ARHGAP15: variants seen among roughly 807,000 people sequenced by gnomAD.
ARHGAP15 encodes the protein rho GTPase-activating protein 15.
Under a neutral mutation model 63.7 loss-of-function variants are expected in ARHGAP15, and 51 were observed. The observed-to-expected ratio is 0.80, with a 90% CI of 0.64 to 1.01. The LOEUF (loss-of-function observed/expected upper bound fraction) is 1.01, where lower values mean the gene tolerates loss of function less well. Ranked by LOEUF, ARHGAP15 falls within the 50% of genes least tolerant of loss-of-function variation. The pLI is 0.00. For missense variants in ARHGAP15, 560 were observed against 564.6 expected, an observed-to-expected ratio of 0.99 and a Z score of 0.08; for synonymous variants, 191 against 193.8, an observed-to-expected ratio of 0.99 and a Z score of 0.12.
chr2:143,748,459 C>T (rs12474666), intron 13 of ARHGAP15, among the ~76,000 whole-genome samples: 29,587 of 151,994 alleles, frequency 0.19, 3,189 homozygotes, highest in East Asian at 0.44. Flanking sequence ...CTTGGCCCCA[C>T]GATTATGTAT....
At chr2:143,234,273 C>T (rs914062103) in intron 5 of ARHGAP15, among the ~76,000 whole-genome samples, 3 of 152,044 alleles carry the variant, frequency 2.0e-5, no homozygotes, top group Non-Finnish European at 2.9e-5. Flanking sequence ...AACTAGGAGG[C>T]ATAGTTGTTT....
chr2:143,562,542 G>T (rs1166582346), intron 11 of ARHGAP15, among the ~76,000 whole-genome samples: 1 of 152,134 alleles, frequency 6.6e-6, no homozygotes, highest in Admixed American at 6.5e-5. Context: ...CCACAGGGTG[G>T]TTTTTTGGTA....
At chr2:143,597,848 A>C (rs1697583561) in intron 11 of ARHGAP15, 1 of 152,186 alleles carries the variant, frequency 6.6e-6, no homozygotes, top group South Asian at 2.1e-4. Context: ...TATAAAGAGC[A>C]GAAGTTTATT....
At chr2:143,757,097 G>GA (rs1686604955) in intron 13 of ARHGAP15, among the ~76,000 whole-genome samples, 1 of 151,726 alleles carries the variant, frequency 6.6e-6, no homozygotes, top group African/African-American at 2.4e-5. Context: ...TTGTTCATCT[G>GA]AAAAAGTTCA....
At chr2:143,251,068 A>T (rs989102703) in intron 6 of ARHGAP15, among the ~76,000 whole-genome samples, 1 of 151,998 alleles carries the variant, frequency 6.6e-6, no homozygotes, top group African/African-American at 2.4e-5. Context: ...AGATTCTTTC[A>T]TATTGCTTAC....
intron 8 of ARHGAP15, among the ~76,000 whole-genome samples, chr2:143,466,063 T>A (rs1691192479): frequency 6.6e-6 from 1 of 152,126 alleles, no homozygotes; most frequent in South Asian, 2.1e-4. Context: ...ATTTTTTTTT[T>A]TTATTTTCTT....
chr2:143,602,182 G>T (rs567252883), intron 11 of ARHGAP15, among the ~76,000 whole-genome samples: 6 of 152,118 alleles, frequency 3.9e-5, no homozygotes, highest in Admixed American at 1.3e-4. Flanking sequence ...TGGTTGTCAT[G>T]TACACGTTAC....
chr2:143,326,139 C>T (rs1558894656), intron 6 of ARHGAP15, among the ~76,000 whole-genome samples: 1 of 152,152 alleles, frequency 6.6e-6, no homozygotes. Flanking sequence ...ATTAGAGATA[C>T]TTAACCAAAC....
intron 9 of ARHGAP15, among the ~76,000 whole-genome samples, chr2:143,507,411 A>C (rs958058050): frequency 1.3e-5 from 2 of 152,248 alleles, no homozygotes; most frequent in African/African-American, 4.8e-5. Context: ...GCTTCTTATT[A>C]CTTCCTATTG....
intron 2 of ARHGAP15, among the ~76,000 whole-genome samples, chr2:143,170,609 T>C (rs1690735894): frequency 6.6e-6 from 1 of 152,146 alleles, no homozygotes; most frequent in Non-Finnish European, 1.5e-5. Flanking sequence ...GCTAAGAGAA[T>C]GAGTGGGAAT....
intron 6 of ARHGAP15, among the ~76,000 whole-genome samples, chr2:143,308,170 A>G (rs1173685840): frequency 2.0e-5 from 3 of 152,174 alleles, no homozygotes; most frequent in Admixed American, 1.3e-4. Flanking sequence ...TGGGAATGAA[A>G]TTAATCATTA....
At chr2:143,141,662 G>A (rs929481105) in intron 1 of ARHGAP15, among the ~76,000 whole-genome samples, 8 of 152,146 alleles carry the variant, frequency 5.3e-5, no homozygotes, top group African/African-American at 1.4e-4. Context: ...AATAAATGAA[G>A]TAATGTGAAT....
intron 12 of ARHGAP15, among the ~76,000 whole-genome samples, chr2:143,678,822 G>A (rs905450483): frequency 3.9e-5 from 6 of 152,070 alleles, no homozygotes; most frequent in African/African-American, 1.4e-4. Flanking sequence ...ATTTTCAGTA[G>A]TATCGATGTT....
At chr2:143,229,954 T>C (rs933469611) in intron 5 of ARHGAP15, among the ~76,000 whole-genome samples, 1 of 152,240 alleles carries the variant, frequency 6.6e-6, no homozygotes, top group African/African-American at 2.4e-5. Context: ...CTCAGTCCTT[T>C]GTATTTTTAA....
chr2:143,238,356 C>A, intron 5 of ARHGAP15: 1 of 151,876 alleles, frequency 6.6e-6, no homozygotes, highest in African/African-American at 2.4e-5. Context: ...CAAGAAAAAA[C>A]AAACAACTCC....
intron 1 of ARHGAP15, among the ~76,000 whole-genome samples, chr2:143,144,935 CT>C: frequency 6.6e-6 from 1 of 152,132 alleles, no homozygotes; most frequent in East Asian, 1.9e-4. Flanking sequence ...ATAAAAATAA[CT>C]TTTTACAAAA....
intron 8 of ARHGAP15, 63 bp from the exon 9 acceptor site, chr2:143,487,310 G>C: frequency 1.3e-6 from 2 of 1,543,528 alleles, no homozygotes; most frequent in Non-Finnish European, 1.7e-6. Context: ...ATTCAGATTT[G>C]CATAAAGTAA....
chr2:143,440,351 C>T (rs542894471), intron 8 of ARHGAP15, among the ~76,000 whole-genome samples: 82 of 152,216 alleles, frequency 5.4e-4, no homozygotes, highest in African/African-American at 1.8e-3. Flanking sequence ...TTATGTCACC[C>T]TTTGGAGATT....
intron 6 of ARHGAP15, among the ~76,000 whole-genome samples, chr2:143,304,758 A>G (rs1683089412): frequency 1.3e-5 from 2 of 152,162 alleles, no homozygotes. Flanking sequence ...GAGAAATGCA[A>G]ATGAAAACCA....
Sources: gnomAD v4.1 joint callset for allele counts (sites outside exome capture counted in the v4.1 genomes callset) on GRCh38, gnomAD v4.1.1 for gene constraint, MANE v1.5 for transcripts, NCBI Gene and HGNC (gene_info 2026-07-23, HGNC 2026-07-21) for gene names.